The following TNNI3K variants were observed in gnomAD, a reference collection of about 807,000 sequenced individuals.
The protein encoded by TNNI3K is serine/threonine-protein kinase TNNI3K.
TNNI3K carries 140 observed loss-of-function variants against 114.5 expected under a neutral mutation model. The ratio of observed to expected loss-of-function variants is 1.22; its 90% CI spans 1.07 to 1.41. The LOEUF (loss-of-function observed/expected upper bound fraction) is 1.41. Among genes scored for constraint, TNNI3K ranks in the 40% most tolerant of loss-of-function variants. The probability of loss-of-function intolerance (pLI) is 0.00; values close to 1 mark genes in which losing one functional copy is unlikely to be tolerated. For synonymous variants in TNNI3K, 347 were observed against 347.5 expected (o/e 1.00, Z 0.02); for missense variants, 1,125 against 1,007.6 (o/e 1.12, Z -1.58).
intron 17 of TNNI3K, among the ~76,000 whole-genome samples, chr1:74,395,055 A>C (rs925880424): frequency 6.6e-6 from 1 of 151,734 alleles, no homozygotes; most frequent in African/African-American, 2.4e-5. Context: ...AAAAAAAAAA[A>C]AAGAGAAAAC....
chr1:74,411,086 A>G (rs950117455), intron 17 of TNNI3K, among the ~76,000 whole-genome samples: 1 of 152,336 alleles, frequency 6.6e-6, no homozygotes. Flanking sequence ...ATTTTATACC[A>G]TAAAATTGAA....
At chr1:74,475,518 A>C (rs927964661) in intron 21 of TNNI3K, 6 of 716,832 alleles carry the variant, frequency 8.4e-6, no homozygotes, top group Non-Finnish European at 1.6e-5. Flanking sequence ...TCAGGTTTCT[A>C]AATGATCCGT....
chr1:74,302,437 G>A lies in TNNI3K; in HGVS notation c.445-29013G>A, dbSNP rs149756083. On this transcript the variant is annotated intron_variant, in intron 5 of 24. Coordinates refer to ENST00000326637, the MANE Select transcript of TNNI3K (RefSeq NM_015978.3). Reference sequence around the variant, plus strand: ...TTAAATCAAAAGCTAGAATAATTAAGGTCAGTGAGAAAGATATGTCAAAAG... The same window carrying A: ...TTAAATCAAAAGCTAGAATAATTAAAGTCAGTGAGAAAGATATGTCAAAAG... Among the ~76,000 whole-genome samples the A allele has an allele frequency of 4.9e-4, 74 of 152,290 alleles. 1 individual carries two copies. The highest frequency in any genetic ancestry group is 1.7e-3 in the African/African-American group (70 of 41,568).
intron 17 of TNNI3K, among the ~76,000 whole-genome samples, chr1:74,391,666 A>C (rs1420411439): frequency 6.6e-6 from 1 of 152,206 alleles, no homozygotes; most frequent in Non-Finnish European, 1.5e-5. Flanking sequence ...TACATTTGAG[A>C]GTTTCAGCAA....
chr1:74,544,180 C>A lies in TNNI3K; in HGVS notation c.*198C>A. On this transcript the variant is annotated 3_prime_UTR_variant, in exon 25 of 25. Transcript: ENST00000326637. ...GCCTAAGGAATAATATGCAAAAGAA[C>A]CAAGACAGAATGTATATGAAGAATT... The A allele has an allele frequency of 3.7e-6, 2 of 533,962 alleles. No homozygotes were observed. Among genetic ancestry groups the A allele is most frequent in the South Asian group, 3.0e-5 (1 of 32,892 alleles). The allele number at this position is 533,962 out of a possible 1,614,324, so 33.1% of individuals were successfully genotyped here.
At chr1:74,364,244 A>G (rs972400448) in intron 11 of TNNI3K, among the ~76,000 whole-genome samples, 1 of 151,640 alleles carries the variant, frequency 6.6e-6, no homozygotes, top group Non-Finnish European at 1.5e-5. Context: ...GCCTCAAACA[A>G]TCCCTCCACC....
chr1:74,325,773 G>T (rs940075557), intron 5 of TNNI3K, among the ~76,000 whole-genome samples: 1 of 152,012 alleles, frequency 6.6e-6, no homozygotes, highest in Non-Finnish European at 1.5e-5. Flanking sequence ...AGTTGGAGGG[G>T]ACCATAATTG....
chr1:74,533,134 CA>C (rs1646612256), intron 23 of TNNI3K, among the ~76,000 whole-genome samples: 1 of 152,094 alleles, frequency 6.6e-6, no homozygotes, highest in South Asian at 2.1e-4. Flanking sequence ...AGGCAACCTA[CA>C]AAATGGGAGA....
chr1:74,467,873 C>T (rs537729226), intron 21 of TNNI3K, among the ~76,000 whole-genome samples: 9 of 152,120 alleles, frequency 5.9e-5, no homozygotes, highest in Middle Eastern at 3.4e-3. Flanking sequence ...ATTTAACAAG[C>T]GCCCCAGGTG....
intron 4 of TNNI3K, among the ~76,000 whole-genome samples, chr1:74,253,697 G>A (rs896998844): frequency 1.8e-4 from 27 of 151,680 alleles, no homozygotes; most frequent in African/African-American, 5.8e-4. Flanking sequence ...CGCAAGCCCC[G>A]CCGTGCGGCC....
intron 23 of TNNI3K, among the ~76,000 whole-genome samples, chr1:74,528,218 A>C (rs2100432078): frequency 6.6e-6 from 1 of 152,256 alleles, no homozygotes; most frequent in South Asian, 2.1e-4. Context: ...GGTGGAAGGA[A>C]GTTGGAGCAT....
chr1:74,360,280 A>G (rs774845708), intron 11 of TNNI3K, among the ~76,000 whole-genome samples: 20 of 151,922 alleles, frequency 1.3e-4, no homozygotes, highest in Non-Finnish European at 2.2e-4. Flanking sequence ...CCTTTCTCTG[A>G]TATACTGTCA....
At chr1:74,393,683 G>A (rs1663917874) in intron 17 of TNNI3K, among the ~76,000 whole-genome samples, 1 of 152,156 alleles carries the variant, frequency 6.6e-6, no homozygotes, top group Admixed American at 6.5e-5. Context: ...GCACCAGGGA[G>A]CAGTTTTGTG....
chr1:74,402,176 T>C (rs1664397899), intron 17 of TNNI3K, among the ~76,000 whole-genome samples: 1 of 152,096 alleles, frequency 6.6e-6, no homozygotes, highest in South Asian at 2.1e-4. Context: ...TTGAATCAAC[T>C]CTTGCAGTAA....
intron 2 of TNNI3K, among the ~76,000 whole-genome samples, chr1:74,247,761 T>G (rs754944634): frequency 6.6e-6 from 1 of 152,168 alleles, no homozygotes; most frequent in Non-Finnish European, 1.5e-5. Flanking sequence ...GAGTGCTGAT[T>G]GGTGCATTTA....
intron 23 of TNNI3K, among the ~76,000 whole-genome samples, chr1:74,526,196 A>T (rs1646502489): frequency 6.6e-6 from 1 of 152,202 alleles, no homozygotes; most frequent in Admixed American, 6.5e-5. Context: ...AGAACAAAGG[A>T]ACATGGAATT....
chr1:74,445,283 A>G (rs910116188), intron 20 of TNNI3K, among the ~76,000 whole-genome samples: 2 of 146,946 alleles, frequency 1.4e-5, no homozygotes, highest in Non-Finnish European at 3.0e-5. Flanking sequence ...GGTTAGTTAC[A>G]TATGTATACA....
At chr1:74,246,395 C>A (rs1570364309) in intron 2 of TNNI3K, among the ~76,000 whole-genome samples, 1 of 152,280 alleles carries the variant, frequency 6.6e-6, no homozygotes, top group South Asian at 2.1e-4. Context: ...GCCTTTCAAG[C>A]TAGGTAGATT....
At chr1:74,409,491 TC>T (rs1664777694) in intron 17 of TNNI3K, among the ~76,000 whole-genome samples, 1 of 146,102 alleles carries the variant, frequency 6.8e-6, no homozygotes, top group African/African-American at 2.5e-5. Context: ...TCTATTTGTT[TC>T]TTTTTTTTTT....
Sources: gnomAD v4.1 joint callset for allele counts (sites outside exome capture counted in the v4.1 genomes callset) on GRCh38, gnomAD v4.1.1 for gene constraint, MANE v1.5 for transcripts, NCBI Gene and HGNC (gene_info 2026-07-23, HGNC 2026-07-21) for gene names.